Variants in RANBP2 observed in about 807,000 individuals in gnomAD.
The protein encoded by RANBP2 is E3 SUMO-protein ligase RanBP2.
Under a neutral mutation model 303.6 loss-of-function variants are expected in RANBP2, and 57 were observed. The ratio of observed to expected loss-of-function variants is 0.19; its 90% CI spans 0.15 to 0.23. The LOEUF (loss-of-function observed/expected upper bound fraction) is 0.23, where lower values mean the gene tolerates loss of function less well. Among genes scored for constraint, RANBP2 ranks in the 10% least tolerant of loss-of-function variants. The pLI is 1.00. For missense variants in RANBP2, 3,138 were observed against 3,780.8 expected (o/e 0.83, Z 4.46); for synonymous variants, 1,167 against 1,301.5 (o/e 0.90, Z 2.23).
chr2:109,249,472 T>C, the RANBP2 span, among the ~76,000 whole-genome samples: 2 of 16,604 alleles, frequency 1.2e-4, no homozygotes, highest in East Asian at 3.4e-3. Context: ...TCTTTCTCTT[T>C]CTTTCTTTCT....
chr2:109,599,090 T>A, the RANBP2 span, among the ~76,000 whole-genome samples: 1,354 of 152,184 alleles, frequency 8.9e-3, 16 homozygotes, highest in African/African-American at 0.03. Context: ...AAACAAGTAG[T>A]AACATTCAGT....
chr2:109,344,141 C>A, the RANBP2 span, among the ~76,000 whole-genome samples: 7 of 152,178 alleles, frequency 4.6e-5, no homozygotes, highest in African/African-American at 1.7e-4. Flanking sequence ...ATAGAGGGGA[C>A]CTGCTACGCA....
the RANBP2 span, chr2:109,613,020 C>A: frequency 2.0e-6 from 1 of 512,002 alleles, no homozygotes; most frequent in Non-Finnish European, 3.6e-6. Flanking sequence ...ATGAAAACCA[C>A]CAATGTTTAC....
chr2:109,380,670 C>T, the RANBP2 span, among the ~76,000 whole-genome samples: 1 of 152,162 alleles, frequency 6.6e-6, no homozygotes, highest in Non-Finnish European at 1.5e-5. Flanking sequence ...GGGCCACAGC[C>T]CACCTTAAAT....
chr2:109,719,027 A>AAAAAAC, the RANBP2 span, among the ~76,000 whole-genome samples: 3 of 118,212 alleles, frequency 2.5e-5, no homozygotes, highest in Non-Finnish European at 3.4e-5. Flanking sequence ...AAAAAAAAAA[A>AAAAAAC]AGAAACAAAA....
At chr2:109,433,187 T>G in the RANBP2 span, among the ~76,000 whole-genome samples, 8 of 152,288 alleles carry the variant, frequency 5.3e-5, no homozygotes, top group East Asian at 1.5e-3. Flanking sequence ...GTGTATGCAG[T>G]GTGTATGCAT....
chr2:108,979,430 C>CTCTTTCTCTT, the RANBP2 span, among the ~76,000 whole-genome samples: 5 of 148,260 alleles, frequency 3.4e-5, no homozygotes, highest in Non-Finnish European at 7.4e-5. Context: ...CTGTCTCTCT[C>CTCTTTCTCTT]TCTCTTTCTC....
the RANBP2 span, among the ~76,000 whole-genome samples, chr2:109,043,267 C>T: frequency 7.2e-4 from 110 of 152,204 alleles, no homozygotes; most frequent in Admixed American, 1.2e-3. Flanking sequence ...CATTACTTTA[C>T]GAAATTACCT....
the RANBP2 span, among the ~76,000 whole-genome samples, chr2:109,477,854 A>C: frequency 6.6e-6 from 1 of 152,148 alleles, no homozygotes; most frequent in Non-Finnish European, 1.5e-5. Context: ...AGGCTATCAC[A>C]CTGGGAGCTG....
the RANBP2 span, among the ~76,000 whole-genome samples, chr2:109,304,855 G>A: frequency 6.6e-6 from 1 of 152,140 alleles, no homozygotes; most frequent in Non-Finnish European, 1.5e-5. Context: ...GGAAATGGGA[G>A]CTCAGAGAGC....
the RANBP2 span, among the ~76,000 whole-genome samples, chr2:109,396,132 C>G: frequency 3.6e-4 from 55 of 152,278 alleles, no homozygotes; most frequent in African/African-American, 1.3e-3. Flanking sequence ...TCCTCTATAC[C>G]CTGTCAAGTG....
chr2:109,720,335 G>A, the RANBP2 span, among the ~76,000 whole-genome samples: 1 of 151,604 alleles, frequency 6.6e-6, no homozygotes, highest in Non-Finnish European at 1.5e-5. Flanking sequence ...CAGCATCACC[G>A]TGACAGCCAC....
the RANBP2 span, among the ~76,000 whole-genome samples, chr2:109,584,451 G>A: frequency 2.8e-5 from 4 of 141,456 alleles, no homozygotes; most frequent in African/African-American, 1.1e-4. Context: ...CTCCAGACTG[G>A]GTGACAGAGC....
chr2:109,553,988 G>A, the RANBP2 span, among the ~76,000 whole-genome samples: 1 of 152,194 alleles, frequency 6.6e-6, no homozygotes, highest in African/African-American at 2.4e-5. Context: ...TAGGGTAATT[G>A]ATATAAACAA....
the RANBP2 span, chr2:108,895,446 AG>A: frequency 6.6e-6 from 1 of 152,564 alleles, no homozygotes; most frequent in Non-Finnish European, 1.5e-5. Context: ...TTACAGGGAT[AG>A]TACAATAATA....
At chr2:109,525,957 G>C in the RANBP2 span, among the ~76,000 whole-genome samples, 2 of 152,224 alleles carry the variant, frequency 1.3e-5, no homozygotes, top group East Asian at 3.9e-4. Flanking sequence ...AGCATTAACA[G>C]TCTCTGCAGC....
the RANBP2 span, chr2:108,839,183 A>G: frequency 1.4e-5 from 22 of 1,600,886 alleles, no homozygotes; most frequent in Admixed American, 6.9e-5. Context: ...TTTTATCTTT[A>G]GCTTTTGCCT....
At chr2:109,214,967 TC>T in the RANBP2 span, among the ~76,000 whole-genome samples, 1 of 152,152 alleles carries the variant, frequency 6.6e-6, no homozygotes, top group Non-Finnish European at 1.5e-5. Flanking sequence ...AAGGGGCACG[TC>T]GCTGAGCTCA....
At chr2:108,951,033 G>A in the RANBP2 span, among the ~76,000 whole-genome samples, 2 of 152,232 alleles carry the variant, frequency 1.3e-5, no homozygotes, top group African/African-American at 4.8e-5. Context: ...CTATATTGAA[G>A]GGGCCACTTG....
Sources: gnomAD v4.1 joint callset for allele counts (sites outside exome capture counted in the v4.1 genomes callset) on GRCh38, gnomAD v4.1.1 for gene constraint, MANE v1.5 for transcripts, NCBI Gene and HGNC (gene_info 2026-07-23, HGNC 2026-07-21) for gene names.